SLC25A26: variants seen among roughly 807,000 people sequenced by gnomAD.
SLC25A26 encodes solute carrier family 25 member 26, also known as mitochondrial S-adenosylmethionine carrier protein.
SLC25A26 carries 36 observed loss-of-function variants against 37.8 expected under a neutral mutation model. The observed-to-expected ratio is 0.95, with a 90% CI of 0.73 to 1.26. SLC25A26 has a LOEUF of 1.26. SLC25A26 is among the 50% of genes most tolerant of loss of function. The pLI is 0.00. For missense variants in SLC25A26, 390 were observed against 331.1 expected, an observed-to-expected ratio of 1.18 and a Z score of -1.38; for synonymous variants, 129 against 122.5, an observed-to-expected ratio of 1.05 and a Z score of -0.35.
intron 1 of SLC25A26, among the ~76,000 whole-genome samples, chr3:66,177,434 C>T (rs1006360680): frequency 4.6e-5 from 7 of 152,172 alleles, no homozygotes; most frequent in South Asian, 2.1e-4. Flanking sequence ...TGTGAAGATA[C>T]GGAAAGTTTT....
In SLC25A26 at chr3:66,373,357, C is replaced by T. The variant is rs147320792; in HGVS notation, c.707+2755C>T. Among the ~76,000 whole-genome samples, 216 of 152,290 alleles carry T rather than the reference C, an allele frequency of 1.4e-3. No individual in the cohort carries two copies. In the Middle Eastern group the frequency reaches 0.02, roughly 14 times the overall value. ...TGTACAAATTACTCCACGTTAAGGC[C>T]GTAATTACGTTAATAGATTCAGTGG... On this transcript the variant is annotated intron_variant, in intron 9 of 9. Transcript: ENST00000354883.
At chr3:66,208,987 T>TAC (rs2106829356) in intron 1 of SLC25A26, among the ~76,000 whole-genome samples, 1 of 124,560 alleles carries the variant, frequency 8.0e-6, no homozygotes, top group Non-Finnish European at 1.7e-5. Flanking sequence ...TATATATATA[T>TAC]ATTTATGTAC....
intron 5 of SLC25A26, among the ~76,000 whole-genome samples, chr3:66,343,033 A>G (rs2076244220): frequency 6.6e-6 from 1 of 152,178 alleles, no homozygotes; most frequent in South Asian, 2.1e-4. Context: ...TTCATCTATA[A>G]AACATTTTAG....
rs1020972312 is a variant in SLC25A26, at chr3:66,213,704, C to T, written c.-353-7038C>T. Among the ~76,000 whole-genome samples, 365 of 152,180 alleles carry T rather than the reference C, an allele frequency of 2.4e-3. 1 individual carries two copies. Among genetic ancestry groups the T allele is most frequent in the African/African-American group, 8.2e-3 (339 of 41,520 alleles). ...AGTACTTTCTATGGATTTGGACAAA[C>T]ATATAATAACATGTGTCCACCCTTA... On this transcript the variant is annotated intron_variant, in intron 1 of 10. Coordinates refer to the SLC25A26 transcript ENST00000676754.
intron 5 of SLC25A26, among the ~76,000 whole-genome samples, chr3:66,296,907 A>G (rs1559670274): frequency 6.6e-6 from 1 of 152,244 alleles, no homozygotes; most frequent in Non-Finnish European, 1.5e-5. Flanking sequence ...CCCTGAACAG[A>G]AGGCTTGACT....
At chr3:66,344,177 T>C (rs2076269950) in intron 5 of SLC25A26, among the ~76,000 whole-genome samples, 1 of 152,206 alleles carries the variant, frequency 6.6e-6, no homozygotes, top group Non-Finnish European at 1.5e-5. Flanking sequence ...ATGATGCTAA[T>C]CTTTAAATTT....
intron 1 of SLC25A26, 87 bp from the exon 2 acceptor site, chr3:66,236,457 T>C: frequency 9.5e-7 from 1 of 1,052,146 alleles, no homozygotes; most frequent in East Asian, 2.6e-5. Context: ...TTAAAGACTG[T>C]CTTCCTATCT....
chr3:66,332,988 A>G (rs900502178), intron 5 of SLC25A26, among the ~76,000 whole-genome samples: 5 of 151,964 alleles, frequency 3.3e-5, no homozygotes, highest in Non-Finnish European at 5.9e-5. Context: ...GGGGTTTGCT[A>G]CTTTTCTCTT....
chr3:66,331,975 A>C (rs1023670723), intron 5 of SLC25A26, among the ~76,000 whole-genome samples: 22 of 152,010 alleles, frequency 1.4e-4, no homozygotes, highest in Non-Finnish European at 2.9e-4. Flanking sequence ...TGTGTTGCCC[A>C]AGCTGGAGTG....
intron 5 of SLC25A26, among the ~76,000 whole-genome samples, chr3:66,311,931 CCTCCTGGGAGGTGT>C (rs2075390059): frequency 6.6e-6 from 1 of 152,126 alleles, no homozygotes; most frequent in African/African-American, 2.4e-5. Context: ...TCTGTTGAAC[CCTCCTGGGAGGTGT>C]CTCCCCATCA....
At chr3:66,356,055 T>G in intron 6 of SLC25A26, 1 of 456,298 alleles carries the variant, frequency 2.2e-6, no homozygotes, top group South Asian at 1.5e-5. Context: ...TAACTGCTTT[T>G]GAATAGAGCA....
intron 5 of SLC25A26, among the ~76,000 whole-genome samples, chr3:66,337,354 A>G (rs1170542784): frequency 2.0e-5 from 3 of 152,116 alleles, no homozygotes; most frequent in South Asian, 2.1e-4. Flanking sequence ...ACTGTATGAT[A>G]CAGCTAGAAT....
chr3:66,223,376 T>C (rs782578567), intron 1 of SLC25A26, among the ~76,000 whole-genome samples: 2 of 151,762 alleles, frequency 1.3e-5, no homozygotes, highest in Non-Finnish European at 2.9e-5. Context: ...ATGGCAGGGG[T>C]TGGTATGGGA....
chr3:66,212,330 G>A (rs2071295271), intron 1 of SLC25A26, among the ~76,000 whole-genome samples: 1 of 151,584 alleles, frequency 6.6e-6, no homozygotes, highest in Non-Finnish European at 1.5e-5. Context: ...TGCCCAAGCT[G>A]GCCTCAGACT....
chr3:66,269,016 G>A (rs2073862068), intron 5 of SLC25A26, among the ~76,000 whole-genome samples: 1 of 152,216 alleles, frequency 6.6e-6, no homozygotes, highest in Admixed American at 6.5e-5. Flanking sequence ...ATAGCAGTGT[G>A]AGAATGGACT....
At chr3:66,265,288 CAGAG>C (rs1035097261) in intron 5 of SLC25A26, among the ~76,000 whole-genome samples, 3 of 151,786 alleles carry the variant, frequency 2.0e-5, no homozygotes, top group Non-Finnish European at 1.5e-5. Flanking sequence ...GCCTGGGTGA[CAGAG>C]AGACCCTGTC....
At chr3:66,260,448 G>T (rs2073480528) in intron 3 of SLC25A26, among the ~76,000 whole-genome samples, 1 of 152,204 alleles carries the variant, frequency 6.6e-6, no homozygotes, top group Admixed American at 6.5e-5. Context: ...GAAATCAGAT[G>T]ATATCGTTTT....
At position 66,181,178 on chromosome 3, in the gene SLC25A26, C is replaced by G. The variant is rs145738441; in HGVS notation, c.-353-39564C>G. ...GCAACTAATACAATGTCTTTTAACACTGAAAGGCAGATTGAAGTTCACTTG... is the reference window on the plus strand; with the variant it reads ...GCAACTAATACAATGTCTTTTAACAGTGAAAGGCAGATTGAAGTTCACTTG... On this transcript the variant is annotated intron_variant, in intron 1 of 10. Coordinates refer to the SLC25A26 transcript ENST00000676754. Among the ~76,000 whole-genome samples the G allele has an allele frequency of 4.1e-3, 619 of 152,314 alleles. 5 individuals are homozygous for G. The highest frequency in any genetic ancestry group is 0.012 in the African/African-American group (506 of 41,568).
intron 1 of SLC25A26, among the ~76,000 whole-genome samples, chr3:66,184,295 C>T (rs2070772494): frequency 6.6e-6 from 1 of 152,000 alleles, no homozygotes; most frequent in South Asian, 2.1e-4. Context: ...CTCATCATGA[C>T]CCTGATGAAG....
Sources: allele counts gnomAD v4.1 joint callset (sites outside exome capture counted in the v4.1 genomes callset), GRCh38; gene constraint gnomAD v4.1.1; transcripts MANE v1.5; gene names NCBI Gene and HGNC (gene_info 2026-07-23, HGNC 2026-07-21).